Variants in TUSC3 observed in about 807,000 individuals in gnomAD.
The protein encoded by TUSC3 is dolichyl-diphosphooligosaccharide--protein glycosyltransferase subunit TUSC3.
TUSC3 carries 45 observed loss-of-function variants against 44.8 expected under a neutral mutation model. That is an observed-to-expected ratio of 1.00 (90% CI 0.79 to 1.29). The LOEUF (loss-of-function observed/expected upper bound fraction) is 1.29. TUSC3 is among the 50% of genes most tolerant of loss of function. The pLI, the probability that TUSC3 is intolerant of heterozygous loss-of-function variation, is 0.00. For synonymous variants in TUSC3, 212 were observed against 152.9 expected (o/e 1.39, Z -2.85); for missense variants, 519 against 437.9 (o/e 1.19, Z -1.65).
At chr8:15,566,643 A>G in intron 1 of TUSC3, among the ~76,000 whole-genome samples, 1 of 151,284 alleles carries the variant, frequency 6.6e-6, no homozygotes. Context: ...TTTTTGAGAC[A>G]GGGTCTTGCT....
chr8:15,671,040 A>G (rs1483917044), intron 5 of TUSC3, among the ~76,000 whole-genome samples: 1 of 151,942 alleles, frequency 6.6e-6, no homozygotes, highest in African/African-American at 2.4e-5. Context: ...AATACCAATA[A>G]TTGGTAAAGA....
chr8:15,425,627 C>A (rs1056556881), intron 1 of TUSC3, among the ~76,000 whole-genome samples: 1 of 152,168 alleles, frequency 6.6e-6, no homozygotes, highest in Non-Finnish European at 1.5e-5. Flanking sequence ...TCTGAGCCAC[C>A]AGGGCATGAA....
chr8:15,847,878 T>C, the TUSC3 span, among the ~76,000 whole-genome samples: 1 of 152,176 alleles, frequency 6.6e-6, no homozygotes, highest in Non-Finnish European at 1.5e-5. Context: ...CTTAATTTTT[T>C]TTAAGCTAGG....
At chr8:15,732,308 A>G (rs1810754826) in intron 7 of TUSC3, among the ~76,000 whole-genome samples, 1 of 152,086 alleles carries the variant, frequency 6.6e-6, no homozygotes, top group Admixed American at 6.6e-5. Context: ...GGTTTTTCCC[A>G]TGATGTTCTC....
intron 3 of TUSC3, among the ~76,000 whole-genome samples, chr8:15,658,237 C>G (rs1393840215): frequency 2.6e-5 from 4 of 152,112 alleles, no homozygotes; most frequent in Non-Finnish European, 5.9e-5. Flanking sequence ...ATTTGCAGTA[C>G]TAAAAATGAG....
intron 2 of TUSC3, among the ~76,000 whole-genome samples, chr8:15,532,798 T>G (rs959367123): frequency 6.6e-6 from 1 of 152,180 alleles, no homozygotes; most frequent in Non-Finnish European, 1.5e-5. Context: ...TCTTATGAGA[T>G]CTGATGGTTT....
chr8:15,798,794 A>G, the TUSC3 span, among the ~76,000 whole-genome samples: 1 of 152,174 alleles, frequency 6.6e-6, no homozygotes, highest in African/African-American at 2.4e-5. Context: ...AAAGGAGTTC[A>G]CTTTAATGTG....
chr8:15,733,880 C>CA (rs578091958), intron 7 of TUSC3, among the ~76,000 whole-genome samples: 20 of 151,992 alleles, frequency 1.3e-4, no homozygotes, highest in Non-Finnish European at 2.6e-4. Context: ...CCTGTCTCTA[C>CA]AAAAAATTAC....
chr8:15,583,888 G>GT (rs1803485310), intron 1 of TUSC3, among the ~76,000 whole-genome samples: 1 of 152,160 alleles, frequency 6.6e-6, no homozygotes, highest in Non-Finnish European at 1.5e-5. Flanking sequence ...TGAGGATGTA[G>GT]TTTTTGGAAG....
At chr8:15,429,312 C>A (rs1462303203) in intron 1 of TUSC3, among the ~76,000 whole-genome samples, 1 of 152,038 alleles carries the variant, frequency 6.6e-6, no homozygotes. Context: ...GGGCTCTGTT[C>A]TGTTCCATTG....
At chr8:15,749,273 C>G (rs1811586180) in intron 9 of TUSC3, among the ~76,000 whole-genome samples, 1 of 152,062 alleles carries the variant, frequency 6.6e-6, no homozygotes, top group Non-Finnish European at 1.5e-5. Context: ...ATAAAAGCTC[C>G]TCAAAGCCTA....
At chr8:15,519,798 C>G (rs1338072622) in intron 2 of TUSC3, among the ~76,000 whole-genome samples, 2 of 152,156 alleles carry the variant, frequency 1.3e-5, no homozygotes, top group Non-Finnish European at 2.9e-5. Context: ...TATTTACTAT[C>G]AAAGGCAACT....
the TUSC3 span, among the ~76,000 whole-genome samples, chr8:15,776,383 T>C: frequency 6.6e-6 from 1 of 152,222 alleles, no homozygotes; most frequent in East Asian, 1.9e-4. Context: ...ACCATTCATC[T>C]TGGGAGAGAA....
Position 15,634,236 on chromosome 8 carries a change from C to T in TUSC3, c.308+10987C>T, listed in dbSNP as rs531557795. The stretch of plus-strand genomic sequence containing the variant: ...GAGGTCTTCCAAATGGGACCTTCAT[C>T]ATTAAGAAACCCAGGTTGGCAGTGC... On this transcript the variant is annotated intron_variant, in intron 2 of 10. Coordinates refer to ENST00000503731, the MANE Select transcript of TUSC3 (RefSeq NM_006765.4). Among the ~76,000 whole-genome samples, 3 of 152,272 alleles carry T rather than the reference C, an allele frequency of 2.0e-5. No individual in the cohort carries two copies. The East Asian group carries it at 5.8e-4, about 30-fold the overall frequency.
intron 2 of TUSC3, among the ~76,000 whole-genome samples, chr8:15,625,466 T>G (rs1246834085): frequency 6.6e-6 from 1 of 152,228 alleles, no homozygotes; most frequent in Non-Finnish European, 1.5e-5. Flanking sequence ...ATCATCTGGG[T>G]CTGGAGATAT....
chr8:15,488,003 T>A (rs534545282), intron 2 of TUSC3, among the ~76,000 whole-genome samples: 160 of 151,826 alleles, frequency 1.1e-3, no homozygotes, highest in Middle Eastern at 3.4e-3. Flanking sequence ...TAATCTAATA[T>A]AGGCAGTGTG....
chr8:15,474,657 G>C (rs763589148), intron 1 of TUSC3, among the ~76,000 whole-genome samples: 27 of 152,016 alleles, frequency 1.8e-4, no homozygotes, highest in Non-Finnish European at 3.2e-4. Context: ...TGGGGGATTT[G>C]GATCACACTT....
At chr8:15,481,234 T>G (rs1800655912) in intron 1 of TUSC3, among the ~76,000 whole-genome samples, 2 of 117,238 alleles carry the variant, frequency 1.7e-5, no homozygotes, top group African/African-American at 3.5e-5. Context: ...GCAGCAAGAG[T>G]GAAACTCCAT....
At chr8:15,556,894 C>A (rs1381539036) in intron 1 of TUSC3, among the ~76,000 whole-genome samples, 1 of 146,890 alleles carries the variant, frequency 6.8e-6, no homozygotes, top group African/African-American at 2.5e-5. Flanking sequence ...ATTGTAGATT[C>A]TGGATATTAG....
Sources: allele counts gnomAD v4.1 joint callset (sites outside exome capture counted in the v4.1 genomes callset), GRCh38; gene constraint gnomAD v4.1.1; transcripts MANE v1.5; gene names NCBI Gene and HGNC (gene_info 2026-07-23, HGNC 2026-07-21).